The following CLIC5 variants were observed in gnomAD, a reference collection of about 807,000 sequenced individuals.
CLIC5 encodes the protein chloride intracellular channel protein 5.
In CLIC5, 20 loss-of-function variants were observed where a neutral mutation model predicts 24.7. The ratio of observed to expected loss-of-function variants is 0.81; its 90% CI spans 0.57 to 1.18. The LOEUF is 1.18. Among genes scored for constraint, CLIC5 ranks in the 50% most tolerant of loss-of-function variants. CLIC5 has a pLI of 0.00. For synonymous variants in CLIC5, 159 were observed against 135.6 expected, an observed-to-expected ratio of 1.17 and a Z score of -1.20; for missense variants, 341 against 326.1, an observed-to-expected ratio of 1.05 and a Z score of -0.35.
At chr6:46,112,759 G>A in the CLIC5 span, among the ~76,000 whole-genome samples, 1 of 152,170 alleles carries the variant, frequency 6.6e-6, no homozygotes, top group Non-Finnish European at 1.5e-5. Flanking sequence ...CTGAGAAGAA[G>A]AAATAAGAAC....
intron 6 of CLIC5, among the ~76,000 whole-genome samples, chr6:45,885,630 C>A (rs542367141): frequency 3.2e-4 from 49 of 152,102 alleles, no homozygotes; most frequent in Non-Finnish European, 5.7e-4. Context: ...AGATGAGGAA[C>A]GTCAATTCTC....
At chr6:46,012,693 T>C (rs1482066666) in intron 1 of CLIC5, among the ~76,000 whole-genome samples, 1 of 152,234 alleles carries the variant, frequency 6.6e-6, no homozygotes, top group Non-Finnish European at 1.5e-5. Flanking sequence ...CTATCTGCCA[T>C]CTACCTTTGG....
At chr6:46,019,056 A>C (rs982420735), upstream of CLIC5, among the ~76,000 whole-genome samples, 2 of 151,242 alleles carry the variant, frequency 1.3e-5, no homozygotes, top group African/African-American at 4.9e-5. Context: ...AGAAACAGCT[A>C]TTTGAGTTAT....
chr6:46,077,317 A>G (rs1461359121), intron 1 of CLIC5, among the ~76,000 whole-genome samples: 1 of 152,130 alleles, frequency 6.6e-6, no homozygotes, highest in Admixed American at 6.5e-5. Context: ...GTGAAAACAT[A>G]CACAAATGAA....
intron 1 of CLIC5, among the ~76,000 whole-genome samples, chr6:45,970,496 A>C (rs899102330): frequency 6.6e-5 from 10 of 152,214 alleles, no homozygotes; most frequent in African/African-American, 2.4e-4. Context: ...TTCAAATGGC[A>C]GAGTAAGGCA....
upstream of CLIC5, among the ~76,000 whole-genome samples, chr6:46,085,344 G>A (rs1763009835): frequency 6.6e-6 from 1 of 152,190 alleles, no homozygotes; most frequent in Admixed American, 6.5e-5. Flanking sequence ...GAGGAGGAGA[G>A]GCGCTCTGCT....
chr6:46,055,055 T>C (rs761999553), intron 1 of CLIC5, among the ~76,000 whole-genome samples: 2 of 152,206 alleles, frequency 1.3e-5, no homozygotes, highest in African/African-American at 4.8e-5. Context: ...CCATTGACAA[T>C]CTCATCTTCT....
chr6:45,917,231 G>T (rs193063615), intron 4 of CLIC5, among the ~76,000 whole-genome samples: 1 of 152,066 alleles, frequency 6.6e-6, no homozygotes, highest in Non-Finnish European at 1.5e-5. Context: ...TCTCAATAAC[G>T]GGACTAAGGA....
intron 1 of CLIC5, among the ~76,000 whole-genome samples, chr6:46,067,697 C>T (rs1762480505): frequency 6.6e-6 from 1 of 152,150 alleles, no homozygotes; most frequent in Admixed American, 6.5e-5. Context: ...TTCTGTCCAA[C>T]TTCAGGATGA....
At chr6:45,913,857 C>A in intron 5 of CLIC5, 1 of 1,205,296 alleles carries the variant, frequency 8.3e-7, no homozygotes, top group Non-Finnish European at 1.0e-6. Flanking sequence ...TTTAATAGAG[C>A]TGTAGGGGTG....
At chr6:46,115,645 C>G in the CLIC5 span, among the ~76,000 whole-genome samples, 2 of 152,212 alleles carry the variant, frequency 1.3e-5, no homozygotes, top group African/African-American at 4.8e-5. Flanking sequence ...GTGACTTCAA[C>G]AGAAGCAGCC....
intron 1 of CLIC5, among the ~76,000 whole-genome samples, chr6:46,037,389 T>G (rs1047181721): frequency 6.6e-6 from 1 of 152,080 alleles, no homozygotes; most frequent in African/African-American, 2.4e-5. Context: ...CAGTAATAAA[T>G]TAATGGAAGA....
At chr6:46,114,502 G>T in the CLIC5 span, among the ~76,000 whole-genome samples, 1 of 152,152 alleles carries the variant, frequency 6.6e-6, no homozygotes, top group South Asian at 2.1e-4. Flanking sequence ...CAGGTTAACT[G>T]CAGAGCATAC....
At chr6:46,028,791 C>G (rs1767416062) in intron 1 of CLIC5, among the ~76,000 whole-genome samples, 1 of 152,192 alleles carries the variant, frequency 6.6e-6, no homozygotes, top group Non-Finnish European at 1.5e-5. Flanking sequence ...AACTGACAAA[C>G]CTACATAGGC....
intron 1 of CLIC5, among the ~76,000 whole-genome samples, chr6:46,069,682 A>G (rs1012650558): frequency 3.3e-5 from 5 of 152,156 alleles, no homozygotes; most frequent in African/African-American, 1.2e-4. Context: ...TAAAACTTCC[A>G]AAAAATGGAA....
intron 1 of CLIC5, among the ~76,000 whole-genome samples, chr6:46,041,509 C>A (rs889811990): frequency 1.3e-5 from 2 of 152,200 alleles, no homozygotes; most frequent in African/African-American, 4.8e-5. Context: ...TTGCTCATCC[C>A]AGTTCTTCGT....
chr6:45,959,266 G>A (rs1189822170), intron 1 of CLIC5, among the ~76,000 whole-genome samples: 1 of 152,164 alleles, frequency 6.6e-6, no homozygotes, highest in Non-Finnish European at 1.5e-5. Flanking sequence ...TGTTTATGTG[G>A]ATGATAGTTA....
chr6:45,898,552 C>G lies in CLIC5; in HGVS notation c.*4536G>C, dbSNP rs1762432252. On this transcript the variant is annotated 3_prime_UTR_variant, in exon 6 of 6. Transcript: ENST00000339561. ...TTGGTTCAGATTCATGAGGAAAACA[C>G]TCAGCTGTATCTTCATTAAAAGGCA... 6.8e-6 allele frequency: 1 copy of G among 146,780 alleles called. No individual in the cohort carries two copies. Among genetic ancestry groups the G allele is most frequent in the African/African-American group, 2.7e-5 (1 of 36,680 alleles). 9.1% of individuals were successfully genotyped at this position (146,780 alleles called of 1,614,324 possible). A position where few individuals can be genotyped will look rare whatever the true frequency, so the allele number is the denominator to read the frequency against.
intron 1 of CLIC5, among the ~76,000 whole-genome samples, chr6:46,036,050 T>C (rs1351705384): frequency 6.6e-6 from 1 of 151,314 alleles, no homozygotes; most frequent in Admixed American, 6.6e-5. Flanking sequence ...CTGCCCAGAG[T>C]TGGTTTTTAA....
Sources: gnomAD v4.1 joint callset for allele counts (sites outside exome capture counted in the v4.1 genomes callset) on GRCh38, gnomAD v4.1.1 for gene constraint, MANE v1.5 for transcripts, NCBI Gene and HGNC (gene_info 2026-07-23, HGNC 2026-07-21) for gene names.